The following ORC5 variants were observed in gnomAD, a reference collection of about 807,000 sequenced individuals.
ORC5 encodes protein phosphatase 1, regulatory subunit 117.
A neutral mutation model predicts 58.8 loss-of-function variants in ORC5; 39 were observed. The observed-to-expected ratio is 0.66, with a 90% CI of 0.51 to 0.87. ORC5 has a LOEUF of 0.87. Among genes scored for constraint, ORC5 ranks in the 40% least tolerant of loss-of-function variants. ORC5 has a pLI of 0.00. For missense variants in ORC5, 493 were observed against 506.3 expected (o/e 0.97, Z 0.25); for synonymous variants, 218 against 177.6 (o/e 1.23, Z -1.81).
At chr7:104,176,643 G>C (rs1054237834) in intron 8 of ORC5, among the ~76,000 whole-genome samples, 1 of 151,204 alleles carries the variant, frequency 6.6e-6, no homozygotes, top group African/African-American at 2.4e-5. Context: ...TAGTTTTTCA[G>C]GTTTTTGTGA....
At chr7:104,156,495 C>T (rs1397692092) in intron 12 of ORC5, among the ~76,000 whole-genome samples, 3 of 151,578 alleles carry the variant, frequency 2.0e-5, no homozygotes, top group Non-Finnish European at 3.0e-5. Context: ...CCTTGAGTTA[C>T]TATTTTTATA....
chr7:104,134,382 T>TTGGG (rs1798557006), intron 13 of ORC5, among the ~76,000 whole-genome samples: 1 of 118,650 alleles, frequency 8.4e-6, no homozygotes, highest in Non-Finnish European at 1.6e-5. Context: ...ACTACTGTAC[T>TTGGG]CCAGCCTGGG....
At chr7:104,142,741 G>T (rs543163053) in intron 12 of ORC5, among the ~76,000 whole-genome samples, 1 of 152,262 alleles carries the variant, frequency 6.6e-6, no homozygotes, top group East Asian at 1.9e-4. Flanking sequence ...ATGAAATGAG[G>T]TTTAAAGAAA....
intron 4 of ORC5, among the ~76,000 whole-genome samples, chr7:104,195,874 G>A (rs1371745947): frequency 6.6e-6 from 1 of 152,130 alleles, no homozygotes; most frequent in Non-Finnish European, 1.5e-5. Flanking sequence ...TGGGCAGAAA[G>A]ATTTTAAATT....
At chr7:104,144,671 C>T (rs865899312) in intron 12 of ORC5, among the ~76,000 whole-genome samples, 13 of 152,116 alleles carry the variant, frequency 8.5e-5, no homozygotes, top group Admixed American at 5.9e-4. Context: ...GCAGGAGAAT[C>T]GCTTTAACTT....
At chr7:104,128,682 C>A (rs542897039) in intron 13 of ORC5, among the ~76,000 whole-genome samples, 3 of 126,810 alleles carry the variant, frequency 2.4e-5, no homozygotes, top group Non-Finnish European at 3.3e-5. Flanking sequence ...CCCTCCCCCC[C>A]ACCCCACAAC....
intron 12 of ORC5, among the ~76,000 whole-genome samples, chr7:104,158,676 C>T (rs1057223816): frequency 2.0e-5 from 3 of 151,884 alleles, no homozygotes; most frequent in Middle Eastern, 3.2e-3. Context: ...AGGATATGAA[C>T]AGACACTTCT....
chr7:104,156,302 C>T lies in ORC5; in HGVS notation c.1149+4770G>A, dbSNP rs184725263. ...TAAGTTCAATAAATCTGAACATTAA[C>T]ATAAAATGTTAAATGTGCTACTATT... On this transcript the variant is annotated intron_variant, in intron 12 of 13. Coordinates refer to ENST00000297431, the MANE Select transcript of ORC5 (RefSeq NM_002553.4). 1.4e-3 allele frequency among the ~76,000 whole-genome samples: 208 copies of T among 151,684 alleles called. 2 individuals are homozygous for T. Among genetic ancestry groups the T allele is most frequent in the Non-Finnish European group, 2.4e-3 (163 of 67,642 alleles).
At chr7:104,159,849 C>T (rs3808011) in intron 12 of ORC5, among the ~76,000 whole-genome samples, 103,051 of 152,002 alleles carry the variant, frequency 0.68, 35,697 homozygotes, top group Non-Finnish European at 0.76. Flanking sequence ...CTAGAGTTAC[C>T]GCAACAGTAA....
At chr7:104,177,407 A>G (rs574647981) in intron 8 of ORC5, among the ~76,000 whole-genome samples, 1 of 152,152 alleles carries the variant, frequency 6.6e-6, no homozygotes, top group East Asian at 1.9e-4. Context: ...AAAATTGCTC[A>G]TATCTATAAA....
intron 8 of ORC5, among the ~76,000 whole-genome samples, chr7:104,183,426 T>C (rs1431538762): frequency 1.3e-5 from 2 of 152,132 alleles, no homozygotes; most frequent in African/African-American, 4.8e-5. Context: ...GCAATGATTT[T>C]GGAGAAAAAT....
chr7:104,190,863 C>T (rs139908243), intron 5 of ORC5, among the ~76,000 whole-genome samples: 156 of 151,828 alleles, frequency 1.0e-3, no homozygotes, highest in African/African-American at 3.5e-3. Flanking sequence ...TTAGCCAGGC[C>T]ATTTACCATT....
Position 104,161,186 on chromosome 7 carries a change from T to C in ORC5, c.1039-4A>G, listed in dbSNP as rs1562812348. 2 of 1,519,028 alleles carry C rather than the reference T, an allele frequency of 1.3e-6. No homozygotes were observed. Among genetic ancestry groups the C allele is most frequent in the Admixed American group, 3.4e-5 (2 of 58,808 alleles). 94.1% of individuals were successfully genotyped at this position (1,519,028 alleles called of 1,614,324 possible). On this transcript the variant is annotated splice_polypyrimidine_tract_variant and splice_region_variant and intron_variant, in intron 11 of 13. Transcript: ENST00000297431. Reference sequence around the variant, plus strand: ...GCCCAAGGAGATGATTGCTTGTCTGTAAAAAACAAAACAAAAACATGGATT... The same window carrying C: ...GCCCAAGGAGATGATTGCTTGTCTGCAAAAAACAAAACAAAAACATGGATT...
At chr7:104,203,724 C>T (rs76024539) in intron 2 of ORC5, among the ~76,000 whole-genome samples, 2,254 of 152,126 alleles carry the variant, frequency 0.015, 60 homozygotes, top group African/African-American at 0.051. Context: ...ATACAATGGG[C>T]GAATTACTTG....
chr7:104,167,625 T>A (rs1048854837), intron 9 of ORC5, among the ~76,000 whole-genome samples: 2 of 152,228 alleles, frequency 1.3e-5, no homozygotes, highest in African/African-American at 4.8e-5. Flanking sequence ...TAGCACTGAT[T>A]CTTAAGGGAA....
chr7:104,197,556 CAACT>C (rs891129146), intron 4 of ORC5, among the ~76,000 whole-genome samples, 165 bp downstream of exon 4: 6 of 151,898 alleles, frequency 4.0e-5, no homozygotes, highest in East Asian at 3.9e-4. Flanking sequence ...ATCAAATCAC[CAACT>C]GATTTTACTA....
At chr7:104,187,897 TA>T in intron 6 of ORC5, 1 of 993,276 alleles carries the variant, frequency 1.0e-6, no homozygotes, top group South Asian at 4.6e-5. Flanking sequence ...AACAGAGTTG[TA>T]AAACTGCTCA....
At chr7:104,170,910 C>CT (rs1309694439) in intron 8 of ORC5, among the ~76,000 whole-genome samples, 2 of 152,078 alleles carry the variant, frequency 1.3e-5, no homozygotes, top group African/African-American at 2.4e-5. Context: ...ATTTTTACCT[C>CT]TTTTTTTAGT....
At chr7:104,173,099 G>A (rs113363908) in intron 8 of ORC5, among the ~76,000 whole-genome samples, 2,679 of 151,956 alleles carry the variant, frequency 0.018, 83 homozygotes, top group African/African-American at 0.061. Flanking sequence ...CACGGATAAT[G>A]CTTGATAAAA....
Sources: allele counts gnomAD v4.1 joint callset (sites outside exome capture counted in the v4.1 genomes callset), GRCh38; gene constraint gnomAD v4.1.1; transcripts MANE v1.5; gene names NCBI Gene and HGNC (gene_info 2026-07-23, HGNC 2026-07-21).